Variants in RASAL2 observed in about 807,000 individuals in gnomAD.
RASAL2 encodes ras GTPase-activating protein nGAP.
A neutral mutation model predicts 128.9 loss-of-function variants in RASAL2; 58 were observed. The ratio of observed to expected loss-of-function variants is 0.45; its 90% CI spans 0.36 to 0.56. The LOEUF (loss-of-function observed/expected upper bound fraction) is 0.56, where lower values mean the gene tolerates loss of function less well. Ranked by LOEUF, RASAL2 falls within the 20% of genes least tolerant of loss-of-function variation. The pLI is 0.00. For missense variants in RASAL2, 1,360 were observed against 1,601.6 expected, an observed-to-expected ratio of 0.85 and a Z score of 2.57; for synonymous variants, 561 against 580.8, an observed-to-expected ratio of 0.97 and a Z score of 0.49.
At chr1:178,455,183 A>G (rs904288228) in intron 12 of RASAL2, among the ~76,000 whole-genome samples, 9 of 152,120 alleles carry the variant, frequency 5.9e-5, no homozygotes, top group Non-Finnish European at 1.0e-4. Context: ...ATTATTTTTA[A>G]TCGTTTGCTA....
chr1:178,467,725 G>T (rs1647885728), intron 17 of RASAL2, among the ~76,000 whole-genome samples: 1 of 152,198 alleles, frequency 6.6e-6, no homozygotes, highest in Non-Finnish European at 1.5e-5. Context: ...TTTTCTAAGG[G>T]CGTAATTGTG....
At chr1:178,258,735 A>C (rs1398277447) in intron 1 of RASAL2, among the ~76,000 whole-genome samples, 1 of 152,148 alleles carries the variant, frequency 6.6e-6, no homozygotes, top group Non-Finnish European at 1.5e-5. Flanking sequence ...TTACTAAATC[A>C]CTCAGCAATT....
At chr1:178,412,055 T>C in intron 4 of RASAL2, 1 of 319,084 alleles carries the variant, frequency 3.1e-6, no homozygotes, top group Non-Finnish European at 5.8e-6. Context: ...TAAATTGCCA[T>C]CATGTGAAAA....
At chr1:178,255,004 C>T (rs533307337) in intron 1 of RASAL2, among the ~76,000 whole-genome samples, 2 of 151,540 alleles carry the variant, frequency 1.3e-5, no homozygotes, top group Admixed American at 6.6e-5. Context: ...AGCCAGGAGA[C>T]AATAGGATAA....
At chr1:178,179,202 G>T (rs570765362) in intron 1 of RASAL2, among the ~76,000 whole-genome samples, 4 of 152,260 alleles carry the variant, frequency 2.6e-5, no homozygotes, top group Admixed American at 6.5e-5. Context: ...AAATATTCCT[G>T]TTATGGCTGA....
chr1:178,172,254 G>A (rs1661730399), intron 1 of RASAL2, among the ~76,000 whole-genome samples: 1 of 152,004 alleles, frequency 6.6e-6, no homozygotes. Flanking sequence ...ATAATAGTTT[G>A]TCAAAGGTTA....
At chr1:178,218,642 C>T (rs947682971) in intron 1 of RASAL2, among the ~76,000 whole-genome samples, 7 of 152,128 alleles carry the variant, frequency 4.6e-5, no homozygotes, top group East Asian at 1.9e-4. Flanking sequence ...AGCCAAGATG[C>T]GCCATTACAC....
chr1:178,430,619 A>C (rs933727762), intron 5 of RASAL2, among the ~76,000 whole-genome samples: 1 of 152,096 alleles, frequency 6.6e-6, no homozygotes, highest in African/African-American at 2.4e-5. Flanking sequence ...AATAGATGTG[A>C]AATTATAGAT....
At chr1:178,403,940 A>ACATGTTGTAG (rs1286331373) in intron 4 of RASAL2, among the ~76,000 whole-genome samples, 3 of 152,146 alleles carry the variant, frequency 2.0e-5, no homozygotes, top group Non-Finnish European at 2.9e-5. Context: ...GTAGGAAACT[A>ACATGTTGTAG]TTAAGGTCGG....
Position 178,402,169 on chromosome 1 carries a change from A to G in RASAL2, c.564+11963A>G, listed in dbSNP as rs371710070. Among the ~76,000 whole-genome samples, 116 of 152,332 alleles carry G rather than the reference A, an allele frequency of 7.6e-4. No individual in the cohort carries two copies. The East Asian group carries it at 0.021, about 27-fold the overall frequency. On this transcript the variant is annotated intron_variant, in intron 4 of 17. Transcript: ENST00000367649. ...GTTGGCTCACGCCTGTAATCCCAGC[A>G]CTTTGGGAGGCCAAGGTGGGCAGAT...
chr1:178,305,895 C>T (rs2102286013), intron 3 of RASAL2, among the ~76,000 whole-genome samples: 1 of 152,232 alleles, frequency 6.6e-6, no homozygotes, highest in Middle Eastern at 3.4e-3. Context: ...TGAAGTAGCA[C>T]TAGCAAAGGA....
At chr1:178,223,211 G>A (rs767720767) in intron 1 of RASAL2, among the ~76,000 whole-genome samples, 3 of 152,150 alleles carry the variant, frequency 2.0e-5, no homozygotes, top group Non-Finnish European at 4.4e-5. Flanking sequence ...AAACATGGAT[G>A]TTATAGCCTA....
At position 178,369,400 on chromosome 1, in the gene RASAL2, T is replaced by C. The variant is rs189157885; in HGVS notation, c.458-20700T>C. Among the ~76,000 whole-genome samples, 167 of 152,098 alleles carry C rather than the reference T, an allele frequency of 1.1e-3. 2 individuals carry two copies. The highest frequency in any genetic ancestry group is 3.9e-3 in the African/African-American group (162 of 41,492). ...CCACGCCTGGCTAGTTTTTTTGTAT[T>C]TTTATTAGAAACAGGGTTTCACCAT... On this transcript the variant is annotated intron_variant, in intron 3 of 17. Coordinates refer to ENST00000367649, the MANE Select transcript of RASAL2 (RefSeq NM_170692.4).
At chr1:178,304,212 C>T (rs1206910355) in intron 3 of RASAL2, among the ~76,000 whole-genome samples, 1 of 151,956 alleles carries the variant, frequency 6.6e-6, no homozygotes, top group Non-Finnish European at 1.5e-5. Context: ...CCAAAAGGGC[C>T]ACTAGGATGA....
At chr1:178,121,801 T>A (rs556256334) in intron 1 of RASAL2, among the ~76,000 whole-genome samples, 128 of 150,540 alleles carry the variant, frequency 8.5e-4, no homozygotes, top group Non-Finnish European at 7.8e-4. Context: ...GTTGTTGTTA[T>A]ACTCTTTTCC....
At chr1:178,425,077 T>A (rs908680356) in intron 5 of RASAL2, among the ~76,000 whole-genome samples, 3 of 152,168 alleles carry the variant, frequency 2.0e-5, no homozygotes, top group African/African-American at 7.2e-5. Context: ...TCGGTGAAGA[T>A]AAAATTACTT....
chr1:178,194,501 G>T (rs1486707002), intron 1 of RASAL2: 2 of 169,692 alleles, frequency 1.2e-5, no homozygotes, highest in East Asian at 3.1e-4. Flanking sequence ...CGGTAATGAT[G>T]AATTTCTCTA....
chr1:178,277,541 C>T (rs976437752), intron 1 of RASAL2, among the ~76,000 whole-genome samples: 6 of 152,174 alleles, frequency 3.9e-5, no homozygotes, highest in African/African-American at 2.4e-5. Context: ...GGGTTCAAAG[C>T]CAAAACAAAT....
At chr1:178,463,167 A>T (rs916779372) in intron 14 of RASAL2, among the ~76,000 whole-genome samples, 3 of 152,156 alleles carry the variant, frequency 2.0e-5, no homozygotes, top group Non-Finnish European at 4.4e-5. Flanking sequence ...TTATGAAATT[A>T]TGGAATTCTG....
Sources: allele counts gnomAD v4.1 joint callset (sites outside exome capture counted in the v4.1 genomes callset), GRCh38; gene constraint gnomAD v4.1.1; transcripts MANE v1.5; gene names NCBI Gene and HGNC (gene_info 2026-07-23, HGNC 2026-07-21).